The following NSD1 variants were observed in gnomAD, a reference collection of about 807,000 sequenced individuals.
NSD1 encodes nuclear receptor binding SET domain protein 1.
A neutral mutation model predicts 242.7 loss-of-function variants in NSD1; 26 were observed. That is an observed-to-expected ratio of 0.11 (90% CI 0.08 to 0.15). NSD1 has a LOEUF of 0.15. Among genes scored for constraint, NSD1 ranks in the 10% least tolerant of loss-of-function variants. NSD1 has a pLI of 1.00. For missense variants in NSD1, 2,495 were observed against 3,272.8 expected (o/e 0.76, Z 5.80); for synonymous variants, 1,106 against 1,178.1 (o/e 0.94, Z 1.25).
chr5:177,228,155 G>T (rs191413294), intron 5 of NSD1, among the ~76,000 whole-genome samples: 1 of 152,032 alleles, frequency 6.6e-6, no homozygotes, highest in Admixed American at 6.6e-5. Context: ...CCAAAAATAG[G>T]TGAGTATAGT....
intron 8 of NSD1, among the ~76,000 whole-genome samples, chr5:177,243,330 A>G (rs1360578112): frequency 6.6e-6 from 1 of 152,142 alleles, no homozygotes; most frequent in African/African-American, 2.4e-5. Flanking sequence ...GATTACAGGC[A>G]TGTGCCACTG....
Position 177,211,763 on chromosome 5 carries a change from A to G in NSD1, c.3364A>G (p.Ile1122Val), listed in dbSNP as rs1442502936. The G allele has an allele frequency of 6.2e-7, 1 of 1,614,142 alleles. No individual in the cohort carries two copies. Among genetic ancestry groups the G allele is most frequent in the Admixed American group, 1.7e-5 (1 of 60,004 alleles). Reference sequence around the variant, plus strand: ...GGTTAAGCAATCTGATCCTGGTAAAATTTCTGAAAAAGGACTCTCTTTTGA... The same window carrying G: ...GGTTAAGCAATCTGATCCTGGTAAAGTTTCTGAAAAAGGACTCTCTTTTGA... ...SKVKQSDPGK[I>V]SEKGLSFENG... The change falls in exon 5 of 23, where the codon ATT becomes GTT. Residue 1122 changes from isoleucine to valine, a missense_variant. Physicochemically the swap from Ile to Val is conservative, Grantham distance 29. Around this residue, in one of 19 missense-constraint regions of NSD1, gnomAD observed 426 missense variants for 411.4 expected, o/e 1.04. Transcript: ENST00000439151.
intron 17 of NSD1, among the ~76,000 whole-genome samples, chr5:177,278,379 G>A (rs1019870358): frequency 7.2e-5 from 11 of 152,124 alleles, no homozygotes; most frequent in African/African-American, 2.7e-4. Context: ...GAAAGTGCTG[G>A]GATTACAGAT....
intron 5 of NSD1, among the ~76,000 whole-genome samples, chr5:177,223,243 G>A (rs1443638672): frequency 6.6e-6 from 1 of 151,786 alleles, no homozygotes; most frequent in Non-Finnish European, 1.5e-5. Flanking sequence ...CAGCACGTCT[G>A]GCTAATTTTA....
chr5:177,181,042 C>CTT lies in NSD1; in HGVS notation c.928-10829_928-10828dup, dbSNP rs549075279. On this transcript the variant is annotated intron_variant, in intron 2 of 22. Transcript: ENST00000439151. The stretch of plus-strand genomic sequence containing the variant: ...GTAGATGAGCAAAAAAATGTGGTTT[C>CTT]TTTTTTTTTTTTTTGAGATGGAGTC... Among the ~76,000 whole-genome samples the CTT allele has an allele frequency of 6.1e-4, 78 of 126,954 alleles. No individual in the cohort carries two copies. In the East Asian group the frequency reaches 6.7e-3, roughly 11 times the overall value. 83.3% of individuals were successfully genotyped at this position (126,954 alleles called of 152,430 possible). A position where few individuals can be genotyped will look rare whatever the true frequency, so the allele number is the denominator to read the frequency against.
chr5:177,254,275 T>C (rs1756241062), intron 12 of NSD1, among the ~76,000 whole-genome samples: 1 of 152,212 alleles, frequency 6.6e-6, no homozygotes, highest in South Asian at 2.1e-4. Context: ...GTGATGTATT[T>C]GTAAGACTAA....
At chr5:177,257,672 G>GCAAT (rs1756602047) in intron 13 of NSD1, among the ~76,000 whole-genome samples, 2 of 152,116 alleles carry the variant, frequency 1.3e-5, no homozygotes, top group African/African-American at 4.8e-5. Flanking sequence ...GCAATGCCAG[G>GCAAT]GCTCCATAGA....
chr5:177,258,376 T>C (rs1212280224), intron 13 of NSD1, among the ~76,000 whole-genome samples: 1 of 152,100 alleles, frequency 6.6e-6, no homozygotes, highest in African/African-American at 2.4e-5. Flanking sequence ...TTTGTTTGTT[T>C]GTTTTTTTAA....
At chr5:177,218,314 G>T (rs1207482530) in intron 5 of NSD1, among the ~76,000 whole-genome samples, 6 of 152,166 alleles carry the variant, frequency 3.9e-5, no homozygotes, top group Non-Finnish European at 7.3e-5. Context: ...CCCCAAAAGT[G>T]CTGGGATTAC....
chr5:177,191,919 T>C lies in NSD1; in HGVS notation c.963T>C (p.Tyr321=). The C allele has an allele frequency of 6.2e-7, 1 of 1,614,180 alleles. No homozygotes were observed. The highest frequency in any genetic ancestry group is 1.3e-5 in the African/African-American group (1 of 75,056). The change falls in exon 3 of 23, where the codon TAT becomes TAC. Residue 321 remains tyrosine, a synonymous_variant. Transcript: ENST00000439151. ...AGAAAAAGTCTACGCCACTGAAGTA[T>C]GAAGTTGGAGATCTCATCTGGGCAA... The part of the protein sequence containing the change: ...QPKKKSTPLK[Y]EVGDLIWAKF...
intron 21 of NSD1, 123 bp from the exon 22 acceptor site, chr5:177,291,831 T>C: frequency 2.0e-6 from 2 of 985,448 alleles, no homozygotes; most frequent in Non-Finnish European, 3.1e-6. Flanking sequence ...TTTCCTGCAT[T>C]TTATCTTCAT....
chr5:177,165,868 G>C (rs2149793144), intron 2 of NSD1, among the ~76,000 whole-genome samples: 1 of 151,692 alleles, frequency 6.6e-6, no homozygotes, highest in South Asian at 2.1e-4. Context: ...GCCTCCCGAA[G>C]TGGTGGGATT....
intron 12 of NSD1, among the ~76,000 whole-genome samples, chr5:177,252,361 A>G (rs1192322751): frequency 1.3e-5 from 2 of 152,140 alleles, no homozygotes; most frequent in Non-Finnish European, 2.9e-5. Context: ...TTCATCAACT[A>G]TACTCTTAGG....
chr5:177,277,338 A>G (rs1291488522), intron 17 of NSD1, among the ~76,000 whole-genome samples: 1 of 152,208 alleles, frequency 6.6e-6, no homozygotes, highest in Admixed American at 6.5e-5. Context: ...CAGTATCCAG[A>G]AAATTTTATT....
In NSD1 at chr5:177,201,662, G is replaced by A. The variant is rs145831619; in HGVS notation, c.1064-2458G>A. 4.5e-3 allele frequency among the ~76,000 whole-genome samples: 678 copies of A among 151,022 alleles called. 8 individuals carry two copies. The highest frequency in any genetic ancestry group is 0.016 in the African/African-American group (646 of 41,206). ...CAACCCCCGCCTCCTGAGTTCAAGC[G>A]ATTCTCATGCCTCAGCCTCTCAAGT... is the stretch of plus-strand genomic sequence containing the variant. On this transcript the variant is annotated intron_variant, in intron 3 of 22. Transcript: ENST00000439151.
intron 5 of NSD1, among the ~76,000 whole-genome samples, chr5:177,223,838 T>C (rs923951167): frequency 6.6e-6 from 1 of 151,744 alleles, no homozygotes; most frequent in Non-Finnish European, 1.5e-5. Flanking sequence ...ATACAAAAAG[T>C]AGTCAGGTGT....
intron 2 of NSD1, among the ~76,000 whole-genome samples, chr5:177,185,498 T>C (rs1328330391): frequency 6.6e-6 from 1 of 150,684 alleles, no homozygotes; most frequent in Non-Finnish European, 1.5e-5. Flanking sequence ...CTCGGGAGGC[T>C]GAGGCAGGAG....
intron 2 of NSD1, among the ~76,000 whole-genome samples, chr5:177,171,199 C>G (rs1759674619): frequency 6.6e-6 from 1 of 151,622 alleles, no homozygotes. Context: ...CCCAGCTACT[C>G]AGGAGGCTGA....
At chr5:177,266,154 A>G in intron 14 of NSD1, 1 of 1,089,764 alleles carries the variant, frequency 9.2e-7, no homozygotes, top group Non-Finnish European at 1.4e-6. Context: ...TTGTCCGGGC[A>G]TAGAGCACAG....
Sources: allele counts gnomAD v4.1 joint callset (sites outside exome capture counted in the v4.1 genomes callset), GRCh38; gene constraint gnomAD v4.1.1; regional missense constraint gnomAD v4.1.1; transcripts MANE v1.5; gene names NCBI Gene and HGNC (gene_info 2026-07-23, HGNC 2026-07-21).